Variants in DENND4A observed in about 807,000 individuals in gnomAD.
The protein encoded by DENND4A is C-myc promoter-binding protein.
DENND4A carries 70 observed loss-of-function variants against 199.3 expected under a neutral mutation model. The observed-to-expected ratio is 0.35, with a 90% CI of 0.29 to 0.43. The LOEUF is 0.43. Among genes scored for constraint, DENND4A ranks in the 20% least tolerant of loss-of-function variants. The pLI is 1.00. For missense variants in DENND4A, 1,723 were observed against 2,255.8 expected, an observed-to-expected ratio of 0.76 and a Z score of 4.78; for synonymous variants, 686 against 766.9, an observed-to-expected ratio of 0.89 and a Z score of 1.74.
intron 4 of DENND4A, among the ~76,000 whole-genome samples, chr15:65,742,691 G>T (rs1222611425): frequency 6.6e-6 from 1 of 152,098 alleles, no homozygotes; most frequent in African/African-American, 2.4e-5. Context: ...TGTCCGCCTC[G>T]GCCTCCCAAA....
intron 29 of DENND4A, among the ~76,000 whole-genome samples, 173 bp downstream of exon 29, chr15:65,667,276 G>A (rs2076073754): frequency 6.6e-6 from 1 of 152,244 alleles, no homozygotes; most frequent in African/African-American, 2.4e-5. Flanking sequence ...GCTGCAGTGA[G>A]CCGAGATAGT....
rs558397501 is a variant in DENND4A, at chr15:65,757,692, T to C, written c.-22-1220A>G. ...ACTAAGAAATTAATAATAAAAGCGC[T>C]CTCAGGTTGGCCGAGCGCGGTGGCT... is the stretch of plus-strand genomic sequence containing the variant. On this transcript the variant is annotated intron_variant, in intron 2 of 32. Coordinates refer to ENST00000443035, the MANE Select transcript of DENND4A (RefSeq NM_001320835.1). Among the ~76,000 whole-genome samples the C allele has an allele frequency of 4.0e-5, 6 of 151,872 alleles. No individual in the cohort carries two copies. In the South Asian group the frequency reaches 1.0e-3, roughly 26 times the overall value.
intron 7 of DENND4A, among the ~76,000 whole-genome samples, 171 bp from the exon 8 acceptor site, chr15:65,732,989 T>C (rs1228831969): frequency 6.6e-6 from 1 of 152,170 alleles, no homozygotes; most frequent in African/African-American, 2.4e-5. Context: ...CCCATTAAAG[T>C]TGCTTCTGCC....
chr15:65,663,808 T>C (rs968264564), intron 32 of DENND4A, among the ~76,000 whole-genome samples: 22 of 151,228 alleles, frequency 1.5e-4, no homozygotes, highest in African/African-American at 4.6e-4. Context: ...TGCCACCACA[T>C]CTGGCTAACT....
chr15:65,696,633 T>C, intron 21 of DENND4A, 136 bp from the exon 22 acceptor site: 1 of 550,718 alleles, frequency 1.8e-6, no homozygotes, highest in Non-Finnish European at 3.1e-6. Flanking sequence ...TCTATATCTG[T>C]TTGTCAACCA....
At chr15:65,790,469 G>A (rs1333793895) in intron 1 of DENND4A, among the ~76,000 whole-genome samples, 1 of 151,990 alleles carries the variant, frequency 6.6e-6, no homozygotes, top group East Asian at 1.9e-4. Context: ...AGAATGGAAG[G>A]GGCTTAAAAA....
intron 1 of DENND4A, among the ~76,000 whole-genome samples, 156 bp from the exon 2 acceptor site, chr15:65,761,594 T>C (rs28400417): frequency 2.5e-4 from 38 of 151,940 alleles, no homozygotes; most frequent in African/African-American, 9.2e-4. Context: ...AAGCAATTTT[T>C]AAAAACAAGA....
intron 4 of DENND4A, among the ~76,000 whole-genome samples, chr15:65,751,217 G>C (rs1255159429): frequency 6.6e-6 from 1 of 152,116 alleles, no homozygotes; most frequent in Non-Finnish European, 1.5e-5. Context: ...GGCCATGTTC[G>C]AGATACATTT....
In DENND4A at chr15:65,702,400, A is replaced by C; in HGVS notation, c.2335T>G (p.Tyr779Asp). The C allele has an allele frequency of 6.4e-7, 1 of 1,570,362 alleles. No homozygotes were observed. Among genetic ancestry groups the C allele is most frequent in the Non-Finnish European group, 8.6e-7 (1 of 1,157,260 alleles). ...ACTTTTGAATGACAGACTTTCACAT[A>C]AGCTGGGAGACAAATAAACCACAGT... ...YGLWFICLPA[Y>D]VKVCHSKVRA... is the part of the protein sequence containing the mutation. The change falls in exon 17 of 33, where the codon TAT becomes GAT. Residue 779 changes from tyrosine (Y) to aspartate (D), a missense_variant. Transcript: ENST00000443035.
chr15:65,756,992 G>A (rs770049360), intron 2 of DENND4A, among the ~76,000 whole-genome samples: 4 of 152,012 alleles, frequency 2.6e-5, no homozygotes, highest in African/African-American at 9.7e-5. Flanking sequence ...AGCCGAGATC[G>A]GACCACTGCA....
chr15:65,722,977 T>C (rs768654778), intron 11 of DENND4A, 29 bp from the exon 12 acceptor site: 1 of 1,551,180 alleles, frequency 6.4e-7, no homozygotes, highest in Admixed American at 1.9e-5. Flanking sequence ...AGGAATATAT[T>C]TGTTACATGG....
At chr15:65,700,077 C>G (rs2074809844) in intron 20 of DENND4A, among the ~76,000 whole-genome samples, 2 of 152,004 alleles carry the variant, frequency 1.3e-5, no homozygotes. Flanking sequence ...CAGAGAGTTC[C>G]TTGGTACAAT....
intron 23 of DENND4A, among the ~76,000 whole-genome samples, chr15:65,677,091 G>A (rs947344805): frequency 7.2e-5 from 11 of 152,226 alleles, no homozygotes; most frequent in African/African-American, 2.6e-4. Context: ...TCTGGTAGCT[G>A]TAGATTTTTA....
In DENND4A at chr15:65,740,939, G is replaced by A. The variant is rs2076245009; in HGVS notation, c.631+776C>T. On this transcript the variant is annotated intron_variant, in intron 5 of 32. Coordinates refer to ENST00000443035, the MANE Select transcript of DENND4A (RefSeq NM_001320835.1). ...ATCATACCACTGTACTCCAGCCTGA[G>A]CAACCGAATGAGACCCCGTACCCCC... 1.3e-5 allele frequency among the ~76,000 whole-genome samples: 2 copies of A among 152,100 alleles called. 1 individual carries two copies. Among genetic ancestry groups the A allele is most frequent in the South Asian group, 4.2e-4 (2 of 4,810 alleles).
chr15:65,678,751 G>T (rs1344150789), intron 23 of DENND4A, among the ~76,000 whole-genome samples: 3 of 151,652 alleles, frequency 2.0e-5, no homozygotes, highest in Admixed American at 2.0e-4. Flanking sequence ...GTGCAGTGAT[G>T]TGATCACAGC....
chr15:65,728,680 AG>A (rs2075880453), intron 11 of DENND4A, among the ~76,000 whole-genome samples: 1 of 150,436 alleles, frequency 6.6e-6, no homozygotes, highest in South Asian at 2.1e-4. Context: ...GTAGAGATGG[AG>A]TTTCTCCTTG....
At chr15:65,670,284 C>T (rs529940605) in intron 25 of DENND4A, 96 bp from the exon 26 acceptor site, 49 of 1,076,170 alleles carry the variant, frequency 4.6e-5, no homozygotes, top group Middle Eastern at 2.3e-4. Context: ...ATAATTAAAA[C>T]CCAGAAGGAT....
rs765822272 is a variant in DENND4A at position 65,717,871 on chromosome 15, A to C, written c.1714T>G (p.Ser572Ala). ...TATGATCTGTAACCTTTTAAAATAGAGGCCATGAAAAACAAAAATGCCTCT... is the reference window on the plus strand; with the variant it reads ...TATGATCTGTAACCTTTTAAAATAGCGGCCATGAAAAACAAAAATGCCTCT... ...IQEAFLFFMA[S>A]ILKGYRSYLR... Residue 572 changes from serine to alanine, a missense_variant, in exon 13 of 33, where the codon TCT becomes GCT. Physicochemically the swap from Ser to Ala is moderately conservative, Grantham distance 99 (BLOSUM62 1). Around this residue, in one of 6 missense-constraint regions of DENND4A, gnomAD observed 725 missense variants for 952.9 expected, o/e 0.76. Coordinates refer to ENST00000443035, the MANE Select transcript of DENND4A (RefSeq NM_001320835.1). The C allele has an allele frequency of 4.4e-6, 7 of 1,604,186 alleles. No homozygotes were observed. The highest frequency in any genetic ancestry group is 6.0e-6 in the Non-Finnish European group (7 of 1,174,690).
intron 14 of DENND4A, among the ~76,000 whole-genome samples, chr15:65,711,756 T>C (rs1315022759): frequency 6.6e-6 from 1 of 152,170 alleles, no homozygotes; most frequent in Non-Finnish European, 1.5e-5. Flanking sequence ...CTCAATAAAT[T>C]TGATTTTTAA....
Sources: gnomAD v4.1 joint callset for allele counts (sites outside exome capture counted in the v4.1 genomes callset) on GRCh38, gnomAD v4.1.1 for gene constraint, gnomAD v4.1.1 regional missense constraint, MANE v1.5 for transcripts, NCBI Gene and HGNC (gene_info 2026-07-23, HGNC 2026-07-21) for gene names.